The following PCLO variants were observed in gnomAD, a reference collection of about 807,000 sequenced individuals.
PCLO encodes the protein piccolo presynaptic cytomatrix protein.
In PCLO, 82 loss-of-function variants were observed where a neutral mutation model predicts 427.5. That is an observed-to-expected ratio of 0.19 (90% CI 0.16 to 0.23). The LOEUF (loss-of-function observed/expected upper bound fraction) is 0.23. Ranked by LOEUF, PCLO falls within the 10% of genes least tolerant of loss-of-function variation. The pLI, the probability that PCLO is intolerant of heterozygous loss-of-function variation, is 1.00. For missense variants in PCLO, 6,239 were observed against 6,115.9 expected (o/e 1.02, Z -0.67); for synonymous variants, 2,357 against 2,155.4 (o/e 1.09, Z -2.59).
At chr7:82,912,403 A>G (rs952949088) in intron 7 of PCLO, among the ~76,000 whole-genome samples, 1 of 151,882 alleles carries the variant, frequency 6.6e-6, no homozygotes, top group Admixed American at 6.6e-5. Flanking sequence ...AAGAAAATAT[A>G]TAACATTTTA....
intron 3 of PCLO, among the ~76,000 whole-genome samples, chr7:83,072,954 C>A (rs1302893809): frequency 2.6e-5 from 4 of 151,936 alleles, no homozygotes. Flanking sequence ...GTTTCTCTTT[C>A]TGTCTCTCTG....
chr7:82,806,664 C>T (rs1791463798), intron 20 of PCLO, among the ~76,000 whole-genome samples: 1 of 152,144 alleles, frequency 6.6e-6, no homozygotes. Context: ...TATTTGTCTT[C>T]CGCCAGAGAG....
At chr7:82,826,477 A>G in intron 18 of PCLO, 112 bp downstream of exon 18, 1 of 611,384 alleles carries the variant, frequency 1.6e-6, no homozygotes. Flanking sequence ...ATCTGCCAGA[A>G]GATTTTTTTC....
Position 83,135,273 on chromosome 7 carries a change from C to T in PCLO, c.2277G>A (p.Met759Ile), listed in dbSNP as rs1429294399. ...VADDKPKQPK[M>I]VKPTTDLVSS... ...ATACAAGGTCAGTGGTTGGCTTTAC[C>T]ATCTTGGGCTGCTTTGGTTTATCAT... Residue 759 changes from methionine to isoleucine, a missense_variant, in exon 3 of 25, where the codon ATG becomes ATA. Physicochemically the swap from Met to Ile is conservative, Grantham distance 10. Around this residue, in one of 5 missense-constraint regions of PCLO, gnomAD observed 4,677 missense variants for 4,468.4 expected, o/e 1.05. Transcript: ENST00000333891. 4 of 1,613,608 alleles carry T rather than the reference C, an allele frequency of 2.5e-6. No individual in the cohort carries two copies. The highest frequency in any genetic ancestry group is 3.4e-6 in the Non-Finnish European group (4 of 1,179,854).
At chr7:83,044,853 G>A (rs1325153500) in intron 3 of PCLO, among the ~76,000 whole-genome samples, 1 of 152,062 alleles carries the variant, frequency 6.6e-6, no homozygotes, top group Non-Finnish European at 1.5e-5. Flanking sequence ...TCGTGGGTTG[G>A]GAGAATGTTA....
intron 3 of PCLO, among the ~76,000 whole-genome samples, chr7:83,026,844 C>A (rs1483467326): frequency 6.8e-6 from 1 of 146,864 alleles, no homozygotes. Flanking sequence ...ACAACCTGCT[C>A]CTGAATGACT....
Position 82,954,507 on chromosome 7 carries a change from T to A in PCLO, c.6446A>T (p.Tyr2149Phe). ...EEIEDEYVTD[Y>F]TREIQEIIAH... ...AATTATCTCTTGAATTTCTCTTGTA[T>A]AATCGGTTACATATTCATCCTCAAT... Residue 2149 changes from tyrosine (Y) to phenylalanine (F), a missense_variant, in exon 5 of 25, where the codon TAT becomes TTT. Coordinates refer to ENST00000333891, the MANE Select transcript of PCLO (RefSeq NM_033026.6). 6.2e-7 allele frequency: 1 copy of A among 1,613,984 alleles called. No homozygotes were observed. Among genetic ancestry groups the A allele is most frequent in the Non-Finnish European group, 8.5e-7 (1 of 1,179,856 alleles).
chr7:83,060,062 A>G (rs1331509924), intron 3 of PCLO, among the ~76,000 whole-genome samples: 1 of 152,206 alleles, frequency 6.6e-6, no homozygotes, highest in African/African-American at 2.4e-5. Context: ...AGCTGCATAG[A>G]TAAACTTCCC....
chr7:83,100,592 G>A lies in PCLO; in HGVS notation c.3300+33658C>T, dbSNP rs186230085. ...TACCGCATGTTCTCACTTATAAGTG[G>A]GAGCTAAAGGATGAGAACACGTGCT... On this transcript the variant is annotated intron_variant, in intron 3 of 24. Coordinates refer to ENST00000333891, the MANE Select transcript of PCLO (RefSeq NM_033026.6). Among the ~76,000 whole-genome samples the A allele has an allele frequency of 5.3e-5, 8 of 152,228 alleles. No homozygotes were observed. In the East Asian group the frequency reaches 1.4e-3, roughly 26 times the overall value.
chr7:83,107,706 A>C (rs1016651110), intron 3 of PCLO, among the ~76,000 whole-genome samples: 1 of 128,990 alleles, frequency 7.8e-6, no homozygotes, highest in Non-Finnish European at 1.6e-5. Flanking sequence ...GAATATAAGA[A>C]GAGAATATGT....
intron 22 of PCLO, among the ~76,000 whole-genome samples, chr7:82,798,958 T>C (rs1041047207): frequency 2.0e-5 from 3 of 152,126 alleles, no homozygotes; most frequent in African/African-American, 7.2e-5. Flanking sequence ...GGGAAACATA[T>C]TGACTCATAA....
rs577589698 is a variant in PCLO, at chr7:82,999,302, T to C, written c.3301-32815A>G. On this transcript the variant is annotated intron_variant, in intron 3 of 24. Coordinates refer to ENST00000333891, the MANE Select transcript of PCLO (RefSeq NM_033026.6). Reference sequence around the variant, plus strand: ...ATATATATGGATATATAATATTATATATTAAATATATATGGATATGTAATA... The same window carrying C: ...ATATATATGGATATATAATATTATACATTAAATATATATGGATATGTAATA... Among the ~76,000 whole-genome samples, 15 of 142,368 alleles carry C rather than the reference T, an allele frequency of 1.1e-4. 1 individual carries two copies. In the South Asian group the frequency reaches 3.2e-3, roughly 30 times the overall value. The allele number at this position is 142,368 out of a possible 152,430, so 93.4% of individuals were successfully genotyped here. A position where few individuals can be genotyped will look rare whatever the true frequency, so the allele number is the denominator to read the frequency against.
chr7:82,786,634 G>A (rs1345567359), intron 22 of PCLO, among the ~76,000 whole-genome samples: 1 of 152,048 alleles, frequency 6.6e-6, no homozygotes, highest in Non-Finnish European at 1.5e-5. Context: ...AGGTACATGT[G>A]CAGAGCATGC....
intron 3 of PCLO, among the ~76,000 whole-genome samples, chr7:82,996,285 C>T (rs1399967573): frequency 6.6e-6 from 1 of 151,602 alleles, no homozygotes; most frequent in East Asian, 1.9e-4. Context: ...TCTAAATTTT[C>T]TATAATTGGC....
intron 7 of PCLO, among the ~76,000 whole-genome samples, chr7:82,914,203 A>G (rs528585425): frequency 4.6e-5 from 7 of 152,200 alleles, no homozygotes; most frequent in Non-Finnish European, 8.8e-5. Flanking sequence ...TGAACTAATG[A>G]ACACTGATCT....
chr7:83,027,442 T>G (rs1788532364), intron 3 of PCLO, among the ~76,000 whole-genome samples: 2 of 151,868 alleles, frequency 1.3e-5, no homozygotes, highest in Non-Finnish European at 2.9e-5. Flanking sequence ...AATAACAGGA[T>G]CTGAAATTGT....
chr7:82,959,683 C>G (rs1052108215), intron 4 of PCLO, among the ~76,000 whole-genome samples: 5 of 152,142 alleles, frequency 3.3e-5, no homozygotes, highest in African/African-American at 1.2e-4. Context: ...TCACTCAGCA[C>G]CACGTCTTAC....
At chr7:83,004,341 A>T (rs1787894587) in intron 3 of PCLO, among the ~76,000 whole-genome samples, 1 of 151,852 alleles carries the variant, frequency 6.6e-6, no homozygotes, top group African/African-American at 2.4e-5. Context: ...CAGAGCAGAA[A>T]AATAAGCCCA....
At chr7:82,883,856 C>T (rs928170498) in intron 9 of PCLO, among the ~76,000 whole-genome samples, 8 of 152,102 alleles carry the variant, frequency 5.3e-5, no homozygotes, top group Admixed American at 6.6e-5. Context: ...CTGCAACCTC[C>T]GCCTCCAGGC....
Sources: allele counts gnomAD v4.1 joint callset (sites outside exome capture counted in the v4.1 genomes callset), GRCh38; gene constraint gnomAD v4.1.1; regional missense constraint gnomAD v4.1.1; transcripts MANE v1.5; gene names NCBI Gene and HGNC (gene_info 2026-07-23, HGNC 2026-07-21).